The following GRID2 variants were observed in gnomAD, a reference collection of about 807,000 sequenced individuals.
GRID2 encodes the protein glutamate receptor ionotropic, delta-2.
GRID2 carries 33 observed loss-of-function variants against 114.8 expected under a neutral mutation model. That is an observed-to-expected ratio of 0.29 (90% CI 0.22 to 0.38). The LOEUF (loss-of-function observed/expected upper bound fraction) is 0.38, where lower values mean the gene tolerates loss of function less well. Ranked by LOEUF, GRID2 falls within the 10% of genes least tolerant of loss-of-function variation. The pLI is 1.00. For missense variants in GRID2, 1,184 were observed against 1,257.7 expected (o/e 0.94, Z 0.89); for synonymous variants, 505 against 449.9 (o/e 1.12, Z -1.55).
intron 14 of GRID2, among the ~76,000 whole-genome samples, chr4:93,645,278 A>G (rs1722006765): frequency 1.3e-5 from 2 of 152,166 alleles, no homozygotes; most frequent in Non-Finnish European, 2.9e-5. Flanking sequence ...GAGAAGCCAG[A>G]AGAGGAAACT....
At chr4:92,401,411 A>G (rs1307610796) in intron 1 of GRID2, among the ~76,000 whole-genome samples, 2 of 152,156 alleles carry the variant, frequency 1.3e-5, no homozygotes, top group Non-Finnish European at 2.9e-5. Context: ...TTAATGTAAT[A>G]ATTTATTTAG....
At chr4:92,968,751 C>T (rs538215458) in intron 2 of GRID2, among the ~76,000 whole-genome samples, 3 of 151,876 alleles carry the variant, frequency 2.0e-5, no homozygotes, top group African/African-American at 7.2e-5. Context: ...TTTACTCCAC[C>T]CACGTCCCCT....
intron 2 of GRID2, among the ~76,000 whole-genome samples, chr4:92,687,010 C>T (rs1733938164): frequency 6.6e-6 from 1 of 151,764 alleles, no homozygotes; most frequent in Non-Finnish European, 1.5e-5. Flanking sequence ...GATTTTGTTC[C>T]ACTTTTATTT....
In GRID2 at chr4:93,455,833, A is replaced by G. The variant is rs773190960; in HGVS notation, c.1717A>G (p.Ile573Val). ...ATTTGATCTCTCTCTATGGGCTTGC[A>G]TTGCTGGCACAGTCCTTCTGGTGGG... is the stretch of plus-strand genomic sequence containing the variant. ...APFDLSLWACIAGTVLLVGLL... is the reference protein window; with the variant it reads ...APFDLSLWACVAGTVLLVGLL... The change falls in exon 11 of 16, where the codon ATT becomes GTT. Residue 573 changes from isoleucine to valine, a missense_variant. Ile to Val is a conservative substitution (Grantham distance 29). Coordinates refer to ENST00000282020, the MANE Select transcript of GRID2 (RefSeq NM_001510.4). 1 of 1,613,538 alleles carries G rather than the reference A, an allele frequency of 6.2e-7. No individual in the cohort carries two copies. The highest frequency in any genetic ancestry group is 2.2e-5 in the East Asian group (1 of 44,848).
chr4:93,266,474 A>C (rs548984204), intron 8 of GRID2, among the ~76,000 whole-genome samples: 2 of 152,174 alleles, frequency 1.3e-5, no homozygotes, highest in African/African-American at 4.8e-5. Flanking sequence ...CCCCTCCCAC[A>C]CACACATACA....
chr4:92,568,862 C>A (rs1301345426), intron 1 of GRID2, among the ~76,000 whole-genome samples: 1 of 152,016 alleles, frequency 6.6e-6, no homozygotes, highest in Non-Finnish European at 1.5e-5. Context: ...CTAGAGTTAA[C>A]AGCTTCCAGC....
chr4:93,209,273 C>T (rs996240104), intron 5 of GRID2, among the ~76,000 whole-genome samples: 2 of 151,974 alleles, frequency 1.3e-5, no homozygotes, highest in Admixed American at 6.6e-5. Context: ...CAGTAGACCC[C>T]GAAGTGTGTT....
intron 14 of GRID2, among the ~76,000 whole-genome samples, chr4:93,728,010 T>C (rs565125867): frequency 4.1e-4 from 62 of 152,334 alleles, no homozygotes; most frequent in African/African-American, 1.4e-3. Flanking sequence ...ATCTTAGTTA[T>C]TTCTTGCCTT....
rs77876704 is a variant in GRID2, at chr4:92,626,570, G to A, written c.244+36284G>A. 8.6e-3 allele frequency among the ~76,000 whole-genome samples: 1,304 copies of A among 152,178 alleles called. 16 individuals carry two copies. The highest frequency in any genetic ancestry group is 0.066 in the East Asian group (339 of 5,166). On this transcript the variant is annotated intron_variant, in intron 2 of 15. Coordinates refer to ENST00000282020, the MANE Select transcript of GRID2 (RefSeq NM_001510.4). ...TGAGAATTTATTGTATGAGAAGGCT[G>A]TCATGTGGAAGTGGAGCCTTAGCAC...
intron 10 of GRID2, among the ~76,000 whole-genome samples, chr4:93,450,720 T>A (rs765925215): frequency 3.3e-4 from 50 of 151,772 alleles, no homozygotes; most frequent in Non-Finnish European, 6.8e-4. Flanking sequence ...TTAAAATAAT[T>A]TTAAAAATGT....
intron 1 of GRID2, among the ~76,000 whole-genome samples, chr4:92,442,753 T>A (rs549422614): frequency 6.6e-6 from 1 of 152,326 alleles, no homozygotes; most frequent in Non-Finnish European, 1.5e-5. Context: ...AGTCATGAAC[T>A]GGGCTGGATT....
In GRID2 at chr4:93,253,890, A is replaced by G. The variant is rs73837735; in HGVS notation, c.1245+15400A>G. ...TGTCGATATAGGTTCCCCGAGTGTT[A>G]CTATTTCTCTACTTCTTTTCCCTCT... On this transcript the variant is annotated intron_variant, in intron 8 of 15. Coordinates refer to ENST00000282020, the MANE Select transcript of GRID2 (RefSeq NM_001510.4). 2.6e-3 allele frequency among the ~76,000 whole-genome samples: 393 copies of G among 152,228 alleles called. 1 individual carries two copies. Among genetic ancestry groups the G allele is most frequent in the African/African-American group, 9.1e-3 (379 of 41,574 alleles).
intron 4 of GRID2, among the ~76,000 whole-genome samples, chr4:93,117,557 A>G (rs1455097908): frequency 6.6e-5 from 10 of 152,170 alleles, no homozygotes; most frequent in Admixed American, 6.6e-4. Flanking sequence ...GTTGTTAGTA[A>G]TTAAGGTCAA....
chr4:93,357,976 T>C (rs1368205116), intron 8 of GRID2, among the ~76,000 whole-genome samples: 1 of 151,806 alleles, frequency 6.6e-6, no homozygotes, highest in Non-Finnish European at 1.5e-5. Flanking sequence ...GTAAATCCAA[T>C]ATATTTTTCT....
chr4:93,684,612 TG>T (rs1725905709), intron 14 of GRID2, among the ~76,000 whole-genome samples: 1 of 151,768 alleles, frequency 6.6e-6, no homozygotes, highest in African/African-American at 2.4e-5. Flanking sequence ...AGAAGCAGAG[TG>T]GGGCTCAATG....
chr4:92,541,626 T>C (rs1223428584), intron 1 of GRID2, among the ~76,000 whole-genome samples: 3 of 152,116 alleles, frequency 2.0e-5, no homozygotes, highest in Non-Finnish European at 4.4e-5. Context: ...GCCTAAATAT[T>C]TTCATTTAAA....
chr4:92,875,798 C>T (rs1281468115), intron 2 of GRID2, among the ~76,000 whole-genome samples: 1 of 152,036 alleles, frequency 6.6e-6, no homozygotes, highest in Non-Finnish European at 1.5e-5. Context: ...AAAGCAAATA[C>T]CATATCTACC....
At chr4:93,359,552 C>T (rs1453554057) in intron 8 of GRID2, among the ~76,000 whole-genome samples, 1 of 151,264 alleles carries the variant, frequency 6.6e-6, no homozygotes, top group Non-Finnish European at 1.5e-5. Context: ...TTAACCATCC[C>T]CATCTCTAGC....
intron 1 of GRID2, among the ~76,000 whole-genome samples, chr4:92,403,897 A>G (rs1353248177): frequency 6.6e-6 from 1 of 152,062 alleles, no homozygotes; most frequent in Non-Finnish European, 1.5e-5. Context: ...CAGTCTGAAC[A>G]CGCATAATAT....
Sources: allele counts gnomAD v4.1 joint callset (sites outside exome capture counted in the v4.1 genomes callset), GRCh38; gene constraint gnomAD v4.1.1; transcripts MANE v1.5; gene names NCBI Gene and HGNC (gene_info 2026-07-23, HGNC 2026-07-21).